Variants in KDM5A observed in about 807,000 individuals in gnomAD.
KDM5A encodes the protein lysine-specific demethylase 5A.
A neutral mutation model predicts 193.5 loss-of-function variants in KDM5A; 42 were observed. The observed-to-expected ratio is 0.22, with a 90% CI of 0.17 to 0.28. The LOEUF (loss-of-function observed/expected upper bound fraction) is 0.28. Among genes scored for constraint, KDM5A ranks in the 10% least tolerant of loss-of-function variants. KDM5A has a pLI of 1.00. For synonymous variants in KDM5A, 796 were observed against 718.1 expected (o/e 1.11, Z -1.73); for missense variants, 1,692 against 2,055.1 (o/e 0.82, Z 3.42).
chr12:305,797 G>C (rs949204704), intron 24 of KDM5A, among the ~76,000 whole-genome samples: 1 of 152,060 alleles, frequency 6.6e-6, no homozygotes, highest in Non-Finnish European at 1.5e-5. Context: ...CACCAGTAAC[G>C]TGTCATTACC....
rs1442263408 is a variant in KDM5A at position 388,912 on chromosome 12, C to T, written c.165+15G>A. ...ATTCTTCCTTCTCCCCCTCTCTCTT[C>T]ACAGACTGAGGTACCTTGGGCGGCC... On this transcript the variant is annotated intron_variant, in intron 1 of 27. Transcript: ENST00000399788. 1 of 1,613,842 alleles carries T rather than the reference C, an allele frequency of 6.2e-7. No individual in the cohort carries two copies. Among genetic ancestry groups the T allele is most frequent in the African/African-American group, 1.3e-5 (1 of 74,952 alleles).
At chr12:349,986 G>A (rs570843003) in intron 10 of KDM5A, among the ~76,000 whole-genome samples, 2 of 151,968 alleles carry the variant, frequency 1.3e-5, no homozygotes, top group African/African-American at 2.4e-5. Context: ...AAATTAGCTG[G>A]GCGTGGTGGT....
intron 24 of KDM5A, among the ~76,000 whole-genome samples, chr12:302,791 C>G (rs1943460023): frequency 6.6e-6 from 1 of 152,122 alleles, no homozygotes; most frequent in Non-Finnish European, 1.5e-5. Context: ...GGCTAATATC[C>G]AGAATCTACA....
chr12:285,430 C>G lies in KDM5A; in HGVS notation c.*26G>C. The G allele has an allele frequency of 6.3e-7, 1 of 1,597,536 alleles. No individual in the cohort carries two copies. Among genetic ancestry groups the G allele is most frequent in the Non-Finnish European group, 8.6e-7 (1 of 1,165,048 alleles). On this transcript the variant is annotated 3_prime_UTR_variant, in exon 28 of 28. Coordinates refer to ENST00000399788, the MANE Select transcript of KDM5A (RefSeq NM_001042603.3). ...GGTCTCAATGTGGTCCATGTCCCCC[C>G]ATGTCCCAAACTAACCAAGCATCTG...
In KDM5A at chr12:325,216, C is replaced by T. The variant is rs117679586; in HGVS notation, c.1969-1435G>A. 1.0e-3 allele frequency among the ~76,000 whole-genome samples: 157 copies of T among 152,258 alleles called. No individual in the cohort carries two copies. The East Asian group carries it at 0.028, about 27-fold the overall frequency. ...GTAAAAACAGTTTCAAAATGCATTG[C>T]ACGTATTTCTTAGTTTATAAGAATT... On this transcript the variant is annotated intron_variant, in intron 14 of 27. Transcript: ENST00000399788.
At chr12:303,165 T>C (rs1022120415) in intron 24 of KDM5A, among the ~76,000 whole-genome samples, 3 of 152,206 alleles carry the variant, frequency 2.0e-5, no homozygotes, top group African/African-American at 7.2e-5. Flanking sequence ...CATTACTGGG[T>C]ATATACCCAA....
chr12:385,868 G>A (rs1944631971), intron 2 of KDM5A, 29 bp downstream of exon 2: 2 of 1,563,120 alleles, frequency 1.3e-6, no homozygotes, highest in African/African-American at 1.4e-5. Context: ...GAATGAATCA[G>A]GAAGCAGAAA....
Position 281,526 on chromosome 12 carries a change from T to C in KDM5A, c.*3930A>G, listed in dbSNP as rs1218378235. 1.3e-5 allele frequency: 3 copies of C among 233,016 alleles called. No individual in the cohort carries two copies. The highest frequency in any genetic ancestry group is 2.5e-5 in the Non-Finnish European group (3 of 118,046). The allele number at this position is 233,016 out of a possible 1,614,324, so 14.4% of individuals were successfully genotyped here. A position where few individuals can be genotyped will look rare whatever the true frequency, so the allele number is the denominator to read the frequency against. ...GGGACATTCATATCCAAAGAAGTAA[T>C]GGTATGACTTAAAAAAAAAGGAGGA... On this transcript the variant is annotated 3_prime_UTR_variant, in exon 28 of 28. Transcript: ENST00000399788.
intron 8 of KDM5A, among the ~76,000 whole-genome samples, chr12:353,271 A>AG (rs1944185786): frequency 1.3e-5 from 2 of 152,156 alleles, no homozygotes; most frequent in South Asian, 4.1e-4. Flanking sequence ...CAGAGGCTGC[A>AG]GTGAGCTGAG....
At chr12:376,571 G>A (rs567948693) in intron 3 of KDM5A, among the ~76,000 whole-genome samples, 2 of 152,300 alleles carry the variant, frequency 1.3e-5, no homozygotes, top group African/African-American at 4.8e-5. Context: ...ACGCTCGGTG[G>A]GCTGCAGCCA....
chr12:373,815 T>G (rs1310860776), intron 3 of KDM5A, among the ~76,000 whole-genome samples: 1 of 152,240 alleles, frequency 6.6e-6, no homozygotes, highest in Non-Finnish European at 1.5e-5. Flanking sequence ...ACATCTTTAT[T>G]TCTGCCTTCA....
In KDM5A at chr12:307,925, T is replaced by C; in HGVS notation, c.3459A>G (p.Thr1153=). Residue 1153 remains threonine (T), a synonymous_variant, in exon 23 of 28, where the codon ACA becomes ACG. Transcript: ENST00000399788. The surrounding 1 kb of genome is among the most constrained non-coding windows in gnomAD (Gnocchi z 4.3). ...TTACTTCTTCTATGCGGTCCACCATTGTCATCTTGGCTAGGTTGGCTGCTC... is the reference window on the plus strand; with the variant it reads ...TTACTTCTTCTATGCGGTCCACCATCGTCATCTTGGCTAGGTTGGCTGCTC... ...SLRAANLAKM[T]MVDRIEEVKF... The C allele has an allele frequency of 1.2e-6, 2 of 1,614,190 alleles. No individual in the cohort carries two copies. The highest frequency in any genetic ancestry group is 1.7e-6 in the Non-Finnish European group (2 of 1,180,024).
chr12:310,870 T>C lies in KDM5A; in HGVS notation c.3216+15A>G, dbSNP rs376668460. On this transcript the variant is annotated intron_variant, in intron 21 of 27. Transcript: ENST00000399788. ...AAATTATCAGCTGCTTATGAGAGTG[T>C]TGAAGTTCAAGTACCTGTAACAATG... is the stretch of plus-strand genomic sequence containing the variant. 193 of 1,613,524 alleles carry C rather than the reference T, an allele frequency of 1.2e-4. No homozygotes were observed. The highest frequency in any genetic ancestry group is 9.3e-4 in the African/African-American group (70 of 74,896).
At chr12:371,779 A>C (rs1025512886) in intron 3 of KDM5A, among the ~76,000 whole-genome samples, 2 of 152,156 alleles carry the variant, frequency 1.3e-5, no homozygotes, top group African/African-American at 4.8e-5. Context: ...TAATTTTTGT[A>C]TAAGTTGTAA....
intron 8 of KDM5A, 30 bp from the exon 9 acceptor site, chr12:352,354 T>C (rs1216520733): frequency 6.2e-7 from 1 of 1,602,322 alleles, no homozygotes; most frequent in Non-Finnish European, 8.6e-7. Context: ...AAGATTAACT[T>C]ACTGAAACTA....
At chr12:373,915 T>C (rs1042781436) in intron 3 of KDM5A, among the ~76,000 whole-genome samples, 4 of 152,244 alleles carry the variant, frequency 2.6e-5, no homozygotes, top group Non-Finnish European at 5.9e-5. Flanking sequence ...AATCCTGAGT[T>C]CTAGTTTGAT....
At position 283,856 on chromosome 12, in the gene KDM5A, G is replaced by A. The variant is rs2137352166; in HGVS notation, c.*1600C>T. Reference sequence around the variant, plus strand: ...AAAAAAATTAGTCCCCTTCTAATAAGAGTTTACATACAGCTTACCTAATAC... The same window carrying A: ...AAAAAAATTAGTCCCCTTCTAATAAAAGTTTACATACAGCTTACCTAATAC... On this transcript the variant is annotated 3_prime_UTR_variant, in exon 28 of 28. Transcript: ENST00000399788. The A allele has an allele frequency of 4.3e-6, 1 of 232,004 alleles. No homozygotes were observed. The highest frequency in any genetic ancestry group is 8.5e-6 in the Non-Finnish European group (1 of 117,678). 14.4% of individuals were successfully genotyped at this position (232,004 alleles called of 1,614,324 possible).
chr12:313,939 C>T (rs563060785), intron 19 of KDM5A, among the ~76,000 whole-genome samples: 2 of 152,136 alleles, frequency 1.3e-5, no homozygotes, highest in African/African-American at 4.8e-5. Flanking sequence ...ACTTGAAAAG[C>T]ATTCATGGTT....
intron 19 of KDM5A, among the ~76,000 whole-genome samples, chr12:313,941 T>C (rs1238942177): frequency 6.6e-6 from 1 of 152,056 alleles, no homozygotes; most frequent in Non-Finnish European, 1.5e-5. Flanking sequence ...TTGAAAAGCA[T>C]TCATGGTTCA....
Sources: allele counts gnomAD v4.1 joint callset (sites outside exome capture counted in the v4.1 genomes callset), GRCh38; gene constraint gnomAD v4.1.1; non-coding constraint Gnocchi (gnomAD v3.1); transcripts MANE v1.5; gene names NCBI Gene and HGNC (gene_info 2026-07-23, HGNC 2026-07-21).